Variants in SARM1 observed in about 807,000 individuals in gnomAD.
SARM1 encodes the protein NAD(+) hydrolase SARM1.
In SARM1, 60 loss-of-function variants were observed where a neutral mutation model predicts 65.1. The ratio of observed to expected loss-of-function variants is 0.92; its 90% confidence interval spans 0.75 to 1.14. The LOEUF (loss-of-function observed/expected upper bound fraction) is 1.14, where lower values mean the gene tolerates loss of function less well. SARM1 is among the 50% of genes most tolerant of loss of function. SARM1 has a pLI of 0.00. For synonymous variants in SARM1, 417 were observed against 465.4 expected (o/e 0.90, Z 1.34); for missense variants, 913 against 1,015.7 (o/e 0.90, Z 1.37).
Position 28,384,653 on chromosome 17 carries a change from C to T in SARM1, c.1302+84C>T. 5.8e-6 allele frequency: 8 copies of T among 1,389,782 alleles called. No homozygotes were observed. The highest frequency in any genetic ancestry group is 7.8e-6 in the Non-Finnish European group (8 of 1,025,344). 86.1% of individuals were successfully genotyped at this position (1,389,782 alleles called of 1,614,324 possible). A position where few individuals can be genotyped will look rare whatever the true frequency, so the allele number is the denominator to read the frequency against. On this transcript the variant is annotated intron_variant, in intron 3 of 8. Transcript: ENST00000585482. The surrounding 1 kb of genome is among the most constrained non-coding windows in gnomAD (Gnocchi z 4.4). Reference sequence around the variant, plus strand: ...CTGCGTTCCCTCCCCGCCTCGCAATCCCGCGGCGCCAGGGTCGCTTTTGGG... The same window carrying T: ...CTGCGTTCCCTCCCCGCCTCGCAATTCCGCGGCGCCAGGGTCGCTTTTGGG...
Position 28,395,593 on chromosome 17 carries a change from G to A in SARM1, c.1924-312G>A, listed in dbSNP as rs192565566. 60 of 287,472 alleles carry A rather than the reference G, an allele frequency of 2.1e-4. No homozygotes were observed. The East Asian group carries it at 4.3e-3, about 21-fold the overall frequency. The allele number at this position is 287,472 out of a possible 1,614,324, so 17.8% of individuals were successfully genotyped here. ...CTCCCTGGTGACCAGCCCTCTTCCT[G>A]AAACTATCTAGGCTACCCCCATAGC... On this transcript the variant is annotated intron_variant, in intron 7 of 8. Transcript: ENST00000585482.
rs1555584221 is a variant in SARM1, at chr17:28,372,502, G to C, written c.470G>C (p.Arg157Pro). The part of the protein sequence containing the change: ...LLEQILVAEN[R>P]DRVARIGLGV... ...GAGCAGATCCTGGTGGCTGAGAACC[G>C]GTGAGCGCGCCAGGCCGGGGTTGGG... Residue 157 changes from arginine to proline, a missense_variant and splice_region_variant, in exon 1 of 9, where the codon CGA becomes CCA. By Grantham distance (103) the Arg-to-Pro change is moderately radical (BLOSUM62 -2). Around this residue, in one of 3 missense-constraint regions of SARM1, gnomAD observed 862 missense variants for 952.1 expected, o/e 0.91. Coordinates refer to ENST00000585482, the MANE Select transcript of SARM1 (RefSeq NM_015077.4). This position sits in a 1 kb window ranked among gnomAD's most constrained non-coding sequence, Gnocchi z 5.2. The C allele has an allele frequency of 6.6e-7, 1 of 1,526,644 alleles. No homozygotes were observed. Among genetic ancestry groups the C allele is most frequent in the Non-Finnish European group, 8.7e-7 (1 of 1,143,666 alleles). 94.6% of individuals were successfully genotyped at this position (1,526,644 alleles called of 1,614,324 possible).
At chr17:28,387,989 G>A in intron 5 of SARM1, 185 bp from the exon 6 acceptor site, 1 of 612,042 alleles carries the variant, frequency 1.6e-6, no homozygotes, top group Non-Finnish European at 2.9e-6. Context: ...CTCCTAAGAG[G>A]AACCCAACAA....
intron 5 of SARM1, among the ~76,000 whole-genome samples, chr17:28,386,342 T>C (rs1293497962): frequency 6.6e-6 from 1 of 152,126 alleles, no homozygotes; most frequent in African/African-American, 2.4e-5. Context: ...TTGAGGAGTT[T>C]TGAAAGACAT....
At position 28,393,915 on chromosome 17, in the gene SARM1, G is replaced by GAACTGACTTGGTCAGGGCAGTGGGAGAC. The variant is rs1320309844; in HGVS notation, c.1924-1984_1924-1957dup. 1.2e-4 allele frequency among the ~76,000 whole-genome samples: 18 copies of GAACTGACTTGGTCAGGGCAGTGGGAGAC among 152,314 alleles called. 1 individual carries two copies. The East Asian group carries it at 3.3e-3, about 28-fold the overall frequency. The stretch of plus-strand genomic sequence containing the variant: ...ATGTTCTGCAGAGCCTATAATAGGG[G>GAACTGACTTGGTCAGGGCAGTGGGAGAC]AACTGACTTGGTCAGGGCAGTGGGA... On this transcript the variant is annotated intron_variant, in intron 7 of 8. Coordinates refer to ENST00000585482, the MANE Select transcript of SARM1 (RefSeq NM_015077.4).
chr17:28,388,624 A>G, intron 7 of SARM1, 85 bp downstream of exon 7: 2 of 1,370,236 alleles, frequency 1.5e-6, no homozygotes, highest in South Asian at 1.3e-5. Context: ...TCTTGTCTGC[A>G]CATCCCGGCA....
At position 28,398,623 on chromosome 17, in the gene SARM1, C is replaced by T. The variant is rs981401331; in HGVS notation, c.*2337C>T. 15 of 152,788 alleles carry T rather than the reference C, an allele frequency of 9.8e-5. No homozygotes were observed. The highest frequency in any genetic ancestry group is 2.9e-4 in the African/African-American group (12 of 41,450). The allele number at this position is 152,788 out of a possible 1,614,324, so 9.5% of individuals were successfully genotyped here. ...TGGGGCTGAGTCAGCCAGATCCTCC[C>T]CCTACTTCTCCCCAAGGGCCAAGAA... is the stretch of plus-strand genomic sequence containing the variant. On this transcript the variant is annotated 3_prime_UTR_variant, in exon 9 of 9. Transcript: ENST00000585482.
chr17:28,377,779 C>T lies in SARM1; in HGVS notation c.471-3424C>T, dbSNP rs190259449. Among the ~76,000 whole-genome samples the T allele has an allele frequency of 2.0e-5, 3 of 152,292 alleles. No individual in the cohort carries two copies. In the East Asian group the frequency reaches 5.8e-4, roughly 29 times the overall value. ...GTGGTATAACCTCGGCTCACTGCAA[C>T]CTCTGCCTCCTGGGTTCAAGTGTTT... On this transcript the variant is annotated intron_variant, in intron 1 of 8. Coordinates refer to ENST00000585482, the MANE Select transcript of SARM1 (RefSeq NM_015077.4).
At chr17:28,374,565 C>T (rs2067978511) in intron 1 of SARM1, among the ~76,000 whole-genome samples, 1 of 152,058 alleles carries the variant, frequency 6.6e-6, no homozygotes, top group Non-Finnish European at 1.5e-5. Flanking sequence ...AGGGTCCCTG[C>T]ACCCCTTGTA....
chr17:28,388,201 C>A lies in SARM1; in HGVS notation c.1658C>A (p.Thr553Asn). Reference protein sequence around the residue: ...REMLHSPLPCTGGKPSGDTPD... With the variant: ...REMLHSPLPCNGGKPSGDTPD... Reference sequence around the variant, plus strand: ...ATGCTACACTCCCCGCTGCCCTGTACTGGTGGCAAACCCAGTGGGGACACT... The same window carrying A: ...ATGCTACACTCCCCGCTGCCCTGTAATGGTGGCAAACCCAGTGGGGACACT... The change falls in exon 6 of 9, where the codon ACT (threonine) becomes AAT (asparagine). Residue 553 changes from threonine (T) to asparagine (N), a missense_variant. Around this residue, in one of 3 missense-constraint regions of SARM1, gnomAD observed 862 missense variants for 952.1 expected, o/e 0.91. Coordinates refer to ENST00000585482, the MANE Select transcript of SARM1 (RefSeq NM_015077.4). 1 of 1,550,254 alleles carries A rather than the reference C, an allele frequency of 6.5e-7. No homozygotes were observed. Among genetic ancestry groups the A allele is most frequent in the South Asian group, 1.2e-5 (1 of 84,004 alleles).
chr17:28,398,374 C>G lies in SARM1; in HGVS notation c.*2088C>G, dbSNP rs2068156266. Reference sequence around the variant, plus strand: ...GTCCAGCATCCAGCCCCAGCTGGAACAGCTGAAGTCACAAGCCTCCTCTAA... The same window carrying G: ...GTCCAGCATCCAGCCCCAGCTGGAAGAGCTGAAGTCACAAGCCTCCTCTAA... On this transcript the variant is annotated 3_prime_UTR_variant, in exon 9 of 9. Coordinates refer to ENST00000585482, the MANE Select transcript of SARM1 (RefSeq NM_015077.4). 1 of 152,398 alleles carries G rather than the reference C, an allele frequency of 6.6e-6. No homozygotes were observed. The highest frequency in any genetic ancestry group is 2.4e-5 in the African/African-American group (1 of 41,462). The allele number at this position is 152,398 out of a possible 1,614,324, so 9.4% of individuals were successfully genotyped here. A position where few individuals can be genotyped will look rare whatever the true frequency, so the allele number is the denominator to read the frequency against.
rs140133689 is a variant in SARM1 at position 28,389,683 on chromosome 17, C to T, written c.1923+1144C>T. 2.0e-3 allele frequency among the ~76,000 whole-genome samples: 310 copies of T among 152,124 alleles called. 1 individual carries two copies. The highest frequency in any genetic ancestry group is 7.1e-3 in the African/African-American group (296 of 41,490). Reference sequence around the variant, plus strand: ...GGAGGATCACTTGAGGTCAGGAGTTCGAGACCAGCCTGGGCAACATGGTGA... The same window carrying T: ...GGAGGATCACTTGAGGTCAGGAGTTTGAGACCAGCCTGGGCAACATGGTGA... On this transcript the variant is annotated intron_variant, in intron 7 of 8. Transcript: ENST00000585482.
chr17:28,387,679 A>G lies in SARM1; in HGVS notation c.1631-495A>G, dbSNP rs1359025820. ...GGCGCTTAGTACTGAGCGTGGCTCC[A>G]GAGGAGCAGAGTGCTGTCTGTTTTA... On this transcript the variant is annotated intron_variant, in intron 5 of 8. Coordinates refer to ENST00000585482, the MANE Select transcript of SARM1 (RefSeq NM_015077.4). Among the ~76,000 whole-genome samples, 5 of 152,368 alleles carry G rather than the reference A, an allele frequency of 3.3e-5. No homozygotes were observed. In the East Asian group the frequency reaches 9.6e-4, roughly 29 times the overall value.
At chr17:28,394,687 G>A (rs114943936) in intron 7 of SARM1, 143 of 152,298 alleles carry the variant, frequency 9.4e-4, no homozygotes, top group African/African-American at 3.2e-3. Flanking sequence ...CTTAAATAAT[G>A]AGATTCAGAA....
chr17:28,395,874 G>T, intron 7 of SARM1, 31 bp from the exon 8 acceptor site: 3 of 1,611,826 alleles, frequency 1.9e-6, no homozygotes, highest in Non-Finnish European at 2.5e-6. Flanking sequence ...TGGGTACAGG[G>T]GTATCTTCCT....
At chr17:28,377,657 G>C (rs1238702539) in intron 1 of SARM1, among the ~76,000 whole-genome samples, 1 of 152,190 alleles carries the variant, frequency 6.6e-6, no homozygotes, top group African/African-American at 2.4e-5. Flanking sequence ...TCCATTGCTG[G>C]CTAGGCCTCT....
In SARM1 at chr17:28,400,758, A is replaced by C. The variant is rs2068187387; in HGVS notation, c.*4472A>C. 1.3e-6 allele frequency: 2 copies of C among 1,572,958 alleles called. No homozygotes were observed. Among genetic ancestry groups the C allele is most frequent in the East Asian group, 4.7e-5 (2 of 42,932 alleles). On this transcript the variant is annotated 3_prime_UTR_variant, in exon 9 of 9. Coordinates refer to ENST00000585482, the MANE Select transcript of SARM1 (RefSeq NM_015077.4). ...CTATTCACACAGGCCACAGCAGAAAAGAGAGCACCTGTGAAGAAATAAATA... is the reference window on the plus strand; with the variant it reads ...CTATTCACACAGGCCACAGCAGAAACGAGAGCACCTGTGAAGAAATAAATA...
intron 1 of SARM1, among the ~76,000 whole-genome samples, chr17:28,375,307 CAGAA>C (rs2067982555): frequency 6.6e-6 from 1 of 152,134 alleles, no homozygotes; most frequent in Non-Finnish European, 1.5e-5. Context: ...TTTGAAATCA[CAGAA>C]AGGCGGCCAG....
At chr17:28,387,551 G>A (rs2068058294) in intron 5 of SARM1, among the ~76,000 whole-genome samples, 1 of 152,190 alleles carries the variant, frequency 6.6e-6, no homozygotes, top group South Asian at 2.1e-4. Flanking sequence ...CTGGGTTTGG[G>A]GAGGCCATTG....
Sources: gnomAD v4.1 joint callset for allele counts (sites outside exome capture counted in the v4.1 genomes callset) on GRCh38, gnomAD v4.1.1 for gene constraint, gnomAD v4.1.1 regional missense constraint, Gnocchi (gnomAD v3.1) non-coding constraint, MANE v1.5 for transcripts, NCBI Gene and HGNC (gene_info 2026-07-23, HGNC 2026-07-21) for gene names.